The following ZRANB1 variants were observed in gnomAD, a reference collection of about 807,000 sequenced individuals.
The protein encoded by ZRANB1 is ubiquitin thioesterase ZRANB1.
In ZRANB1, 16 loss-of-function variants were observed where a neutral mutation model predicts 80.5. The observed-to-expected ratio is 0.20, with a 90% CI of 0.13 to 0.30. The LOEUF (loss-of-function observed/expected upper bound fraction) is 0.30, where lower values mean the gene tolerates loss of function less well. Among genes scored for constraint, ZRANB1 ranks in the 10% least tolerant of loss-of-function variants. ZRANB1 has a pLI of 1.00. For missense variants in ZRANB1, 576 were observed against 862.6 expected, an observed-to-expected ratio of 0.67 and a Z score of 4.16; for synonymous variants, 291 against 293.1, an observed-to-expected ratio of 0.99 and a Z score of 0.07.
At chr10:124,926,299 CTT>C in the ZRANB1 span, among the ~76,000 whole-genome samples, 2 of 152,168 alleles carry the variant, frequency 1.3e-5, no homozygotes, top group African/African-American at 4.8e-5. Context: ...CTTATTGTAA[CTT>C]TTTAACTTTA....
At chr10:124,936,609 G>A in the ZRANB1 span, among the ~76,000 whole-genome samples, 3 of 152,166 alleles carry the variant, frequency 2.0e-5, no homozygotes, top group African/African-American at 7.2e-5. Context: ...GGTCTAGACC[G>A]GTTGTTTTTC....
chr10:124,952,667 A>G (rs1951650163), intron 1 of ZRANB1, among the ~76,000 whole-genome samples: 1 of 151,964 alleles, frequency 6.6e-6, no homozygotes, highest in African/African-American at 2.4e-5. Flanking sequence ...CTGGAGTGTA[A>G]TGGCGTGGTC....
intron 1 of ZRANB1, among the ~76,000 whole-genome samples, chr10:124,964,562 T>TA (rs1187109211): frequency 3.7e-4 from 56 of 152,314 alleles, no homozygotes; most frequent in African/African-American, 1.3e-3. Context: ...CATGAACACA[T>TA]ATAGTACAAA....
intron 1 of ZRANB1, chr10:124,946,162 TAATCC>T (rs1254435483): frequency 2.0e-5 from 3 of 152,380 alleles, no homozygotes; most frequent in African/African-American, 2.4e-5. Context: ...TCAGGTCTGT[TAATCC>T]CAGCACTTTG....
the ZRANB1 span, among the ~76,000 whole-genome samples, chr10:124,919,141 A>G: frequency 6.6e-6 from 1 of 152,226 alleles, no homozygotes; most frequent in Non-Finnish European, 1.5e-5. Context: ...TTTGGAACTC[A>G]TGATCTAGTT....
intron 1 of ZRANB1, among the ~76,000 whole-genome samples, chr10:124,948,886 A>T (rs1403793846): frequency 6.6e-6 from 1 of 152,164 alleles, no homozygotes; most frequent in Non-Finnish European, 1.5e-5. Context: ...ATTTTTGGGA[A>T]CTAGGGTCTG....
Position 124,988,154 on chromosome 10 carries a change from T to TG in ZRANB1, c.*3163dup, listed in dbSNP as rs900429099. 2.0e-5 allele frequency: 3 copies of TG among 152,572 alleles called. No homozygotes were observed. The highest frequency in any genetic ancestry group is 7.2e-5 in the African/African-American group (3 of 41,458). 9.5% of individuals were successfully genotyped at this position (152,572 alleles called of 1,614,324 possible). On this transcript the variant is annotated 3_prime_UTR_variant, in exon 9 of 9. Transcript: ENST00000359653. ...ATAATGATGGACTTGTGTGAGGTTT[T>TG]GATTTTTCAATTAAACTTTTTGTTA...
chr10:124,965,886 T>C (rs113671349), intron 1 of ZRANB1, among the ~76,000 whole-genome samples: 2 of 152,354 alleles, frequency 1.3e-5, no homozygotes, highest in African/African-American at 4.8e-5. Context: ...TGGAATGTTC[T>C]TTATAGATTT....
intron 5 of ZRANB1, among the ~76,000 whole-genome samples, chr10:124,978,898 T>G (rs1181647611): frequency 6.7e-6 from 1 of 150,344 alleles, no homozygotes; most frequent in Non-Finnish European, 1.5e-5. Context: ...AGTGACTGTT[T>G]TTGTTATGAA....
the ZRANB1 span, among the ~76,000 whole-genome samples, chr10:124,924,422 A>G: frequency 3.3e-5 from 5 of 152,098 alleles, no homozygotes; most frequent in African/African-American, 4.8e-5. Flanking sequence ...ACCAACCACT[A>G]TATAATCCTG....
At chr10:124,967,962 G>A (rs763969294) in intron 2 of ZRANB1, among the ~76,000 whole-genome samples, 2 of 150,902 alleles carry the variant, frequency 1.3e-5, no homozygotes, top group Non-Finnish European at 2.9e-5. Flanking sequence ...ATAGTGGCAC[G>A]ATCTTGGCTT....
intron 5 of ZRANB1, among the ~76,000 whole-genome samples, chr10:124,979,241 A>G (rs1951910867): frequency 6.6e-6 from 1 of 152,220 alleles, no homozygotes. Context: ...GATTGCAGGC[A>G]CATGGGCTCC....
chr10:124,960,135 T>TG (rs1193179906), intron 1 of ZRANB1, among the ~76,000 whole-genome samples: 1 of 152,104 alleles, frequency 6.6e-6, no homozygotes, highest in Non-Finnish European at 1.5e-5. Flanking sequence ...GATGGATTAT[T>TG]GGATACATGG....
upstream of ZRANB1, among the ~76,000 whole-genome samples, chr10:124,941,860 G>C (rs1951538965): frequency 6.6e-6 from 1 of 151,998 alleles, no homozygotes; most frequent in South Asian, 2.1e-4. Flanking sequence ...ATTTCATAAT[G>C]TTACTTTGTT....
chr10:124,966,083 G>A (rs1951773394), intron 1 of ZRANB1, among the ~76,000 whole-genome samples: 1 of 152,138 alleles, frequency 6.6e-6, no homozygotes, highest in African/African-American at 2.4e-5. Context: ...ACTGAAGATG[G>A]TTTCAGTTGC....
At chr10:124,923,637 C>G in the ZRANB1 span, among the ~76,000 whole-genome samples, 1 of 151,906 alleles carries the variant, frequency 6.6e-6, no homozygotes, top group Non-Finnish European at 1.5e-5. Context: ...AACTGACTAA[C>G]AGTTTCTCAT....
At chr10:124,921,967 TAAA>T in the ZRANB1 span, among the ~76,000 whole-genome samples, 2 of 151,982 alleles carry the variant, frequency 1.3e-5, no homozygotes, top group South Asian at 4.1e-4. Flanking sequence ...TGAATTAAAT[TAAA>T]AAAAATTTTT....
intron 1 of ZRANB1, among the ~76,000 whole-genome samples, chr10:124,949,516 C>T (rs1329210959): frequency 2.8e-5 from 3 of 105,680 alleles, no homozygotes; most frequent in Admixed American, 1.0e-4. Context: ...CACACACACA[C>T]ACACACATTT....
rs186168712 is a variant in ZRANB1 at position 124,963,047 on chromosome 10, C to T, written c.815-3547C>T. ...TTGGGAGGCCGAGGTGGGTGGATCA[C>T]CTGAGGTCAGGAGTTCGAGATCAAC... On this transcript the variant is annotated intron_variant, in intron 1 of 8. Transcript: ENST00000359653. 2.0e-4 allele frequency among the ~76,000 whole-genome samples: 31 copies of T among 152,172 alleles called. No homozygotes were observed. The East Asian group carries it at 4.3e-3, about 21-fold the overall frequency.
Sources: allele counts gnomAD v4.1 joint callset (sites outside exome capture counted in the v4.1 genomes callset), GRCh38; gene constraint gnomAD v4.1.1; transcripts MANE v1.5; gene names NCBI Gene and HGNC (gene_info 2026-07-23, HGNC 2026-07-21).